The following COL24A1 variants were observed in gnomAD, a reference collection of about 807,000 sequenced individuals.
The protein encoded by COL24A1 is collagen type XXIV alpha 1 chain.
COL24A1 carries 224 observed loss-of-function variants against 253.9 expected under a neutral mutation model. The observed-to-expected ratio is 0.88, with a 90% confidence interval of 0.79 to 0.99. The LOEUF (loss-of-function observed/expected upper bound fraction) is 0.99, where lower values mean the gene tolerates loss of function less well. COL24A1 is among the 50% of genes least tolerant of loss of function. The pLI is 0.00. For synonymous variants in COL24A1, 685 were observed against 673.7 expected (o/e 1.02, Z -0.26); for missense variants, 2,131 against 2,068.5 (o/e 1.03, Z -0.59).
At chr1:86,134,167 T>A (rs1296902401) in intron 2 of COL24A1, among the ~76,000 whole-genome samples, 1 of 151,208 alleles carries the variant, frequency 6.6e-6, no homozygotes, top group Non-Finnish European at 1.5e-5. Flanking sequence ...CTGATGGTAG[T>A]TTATATTTCT....
Position 86,125,357 on chromosome 1 carries a change from G to T in COL24A1, c.979C>A (p.Leu327Ile). 6.2e-7 allele frequency: 1 copy of T among 1,613,634 alleles called. No individual in the cohort carries two copies. Among genetic ancestry groups the T allele is most frequent in the Non-Finnish European group, 8.5e-7 (1 of 1,179,798 alleles). The stretch of plus-strand genomic sequence containing the variant: ...TTGGCCTGAATCCCATGGTTTGTGA[G>T]ATCCACAGCAGAGACATTTCCTGAC... ...LQSGNVSAVD[L>I]TNHGIQAKEM... is the part of the protein sequence containing the mutation. Residue 327 changes from leucine (L) to isoleucine (I), a missense_variant, in exon 3 of 60, where the codon CTC becomes ATC. Transcript: ENST00000370571.
intron 20 of COL24A1, among the ~76,000 whole-genome samples, chr1:85,981,673 G>A (rs772722859): frequency 6.6e-6 from 1 of 152,124 alleles, no homozygotes; most frequent in Non-Finnish European, 1.5e-5. Context: ...AAAAGCTTCT[G>A]CACAGTTAGA....
chr1:85,975,682 T>C (rs1476565378), intron 20 of COL24A1, among the ~76,000 whole-genome samples: 2 of 152,166 alleles, frequency 1.3e-5, no homozygotes, highest in Non-Finnish European at 2.9e-5. Flanking sequence ...CATGGACTTT[T>C]GCTCCAAGAA....
rs140810303 is a variant in COL24A1 at position 85,810,973 on chromosome 1, A to G, written c.3951+5815T>C. 5.8e-3 allele frequency among the ~76,000 whole-genome samples: 886 copies of G among 152,266 alleles called. 4 individuals are homozygous for G. The highest frequency in any genetic ancestry group is 0.02 in the African/African-American group (839 of 41,566). The stretch of plus-strand genomic sequence containing the variant: ...ATTATTTCTTGTCTTCCTGGAAGAC[A>G]AGAACCCTCCCTGGCTGAGCCACAG... On this transcript the variant is annotated intron_variant, in intron 47 of 59. Coordinates refer to ENST00000370571, the MANE Select transcript of COL24A1 (RefSeq NM_152890.7).
chr1:85,902,572 A>T (rs946745116), intron 28 of COL24A1, among the ~76,000 whole-genome samples: 5 of 152,170 alleles, frequency 3.3e-5, no homozygotes, highest in Non-Finnish European at 5.9e-5. Context: ...TATAATTTGT[A>T]ACTTGTCTCT....
intron 52 of COL24A1, among the ~76,000 whole-genome samples, chr1:85,776,027 G>T (rs1668507060): frequency 6.6e-6 from 1 of 152,126 alleles, no homozygotes; most frequent in Non-Finnish European, 1.5e-5. Flanking sequence ...ATTTAAAAAG[G>T]AAATTCTAAA....
At chr1:85,792,365 T>C (rs897487141) in intron 47 of COL24A1, among the ~76,000 whole-genome samples, 10 of 151,634 alleles carry the variant, frequency 6.6e-5, no homozygotes, top group African/African-American at 2.4e-4. Flanking sequence ...AATATATGGT[T>C]CTTGTTTTTA....
chr1:86,134,991 T>C (rs1649980226), intron 2 of COL24A1, among the ~76,000 whole-genome samples: 2 of 151,502 alleles, frequency 1.3e-5, no homozygotes. Context: ...TCTAAGTCTC[T>C]TTGTAGGTCT....
At chr1:85,942,411 T>A (rs1045012787) in intron 24 of COL24A1, among the ~76,000 whole-genome samples, 1 of 152,238 alleles carries the variant, frequency 6.6e-6, no homozygotes, top group South Asian at 2.1e-4. Flanking sequence ...CTATCCTATA[T>A]GGTTTTTGCC....
chr1:86,011,378 A>G (rs80160804), intron 19 of COL24A1, among the ~76,000 whole-genome samples: 12,767 of 152,204 alleles, frequency 0.084, 660 homozygotes, highest in Middle Eastern at 0.19. Context: ...CAATTGCAAG[A>G]TATTTTATGA....
At chr1:85,911,665 T>C (rs948764641) in intron 24 of COL24A1, among the ~76,000 whole-genome samples, 20 of 152,118 alleles carry the variant, frequency 1.3e-4, no homozygotes, top group Admixed American at 2.6e-4. Flanking sequence ...GGCACTACGC[T>C]GGGAGGCAAT....
At chr1:86,109,023 G>A (rs1705286637) in intron 5 of COL24A1, among the ~76,000 whole-genome samples, 1 of 152,158 alleles carries the variant, frequency 6.6e-6, no homozygotes, top group Non-Finnish European at 1.5e-5. Flanking sequence ...TGGAAATTCT[G>A]TCTCCCTGGG....
intron 37 of COL24A1, among the ~76,000 whole-genome samples, chr1:85,866,009 T>C (rs749744487): frequency 7.9e-5 from 12 of 152,208 alleles, no homozygotes; most frequent in Non-Finnish European, 1.8e-4. Flanking sequence ...ATGCCTGTAA[T>C]CCCAGCACTT....
At chr1:85,987,708 T>C (rs1213531167) in intron 19 of COL24A1, 54 bp from the exon 20 acceptor site, 3 of 1,481,894 alleles carry the variant, frequency 2.0e-6, no homozygotes, top group African/African-American at 1.4e-5. Context: ...TTTAAATCCA[T>C]TTAGCATATA....
At chr1:85,908,255 G>A (rs923178664) in intron 27 of COL24A1, among the ~76,000 whole-genome samples, 2 of 151,636 alleles carry the variant, frequency 1.3e-5, no homozygotes, top group Non-Finnish European at 3.0e-5. Flanking sequence ...ACAAATTTCT[G>A]AGAAAAATAT....
chr1:85,777,089 A>C (rs992966226), intron 52 of COL24A1, among the ~76,000 whole-genome samples: 1 of 151,914 alleles, frequency 6.6e-6, no homozygotes, highest in Admixed American at 6.6e-5. Context: ...AGCTGGGACT[A>C]CAGGAGCATA....
intron 12 of COL24A1, among the ~76,000 whole-genome samples, chr1:86,040,677 T>C (rs1699412132): frequency 6.6e-6 from 1 of 151,888 alleles, no homozygotes; most frequent in South Asian, 2.1e-4. Context: ...AGTCCTGAAA[T>C]CTTCCATACA....
At position 85,968,780 on chromosome 1, in the gene COL24A1, G is replaced by A. The variant is rs1691820624; in HGVS notation, c.2463+1447C>T. The stretch of plus-strand genomic sequence containing the variant: ...ATAGAGTTATACATATTTACATTAT[G>A]GAAAGAATCTCACTGGAATCTGGTA... On this transcript the variant is annotated intron_variant, in intron 22 of 59. Transcript: ENST00000370571. Among the ~76,000 whole-genome samples the A allele has an allele frequency of 2.0e-5, 3 of 152,136 alleles. No individual in the cohort carries two copies. In the South Asian group the frequency reaches 6.2e-4, roughly 32 times the overall value.
At chr1:85,998,083 C>A (rs1027048377) in intron 19 of COL24A1, among the ~76,000 whole-genome samples, 1 of 152,148 alleles carries the variant, frequency 6.6e-6, no homozygotes. Context: ...ATTTTTTTAA[C>A]TTAAAACTGT....
Sources: allele counts gnomAD v4.1 joint callset (sites outside exome capture counted in the v4.1 genomes callset), GRCh38; gene constraint gnomAD v4.1.1; transcripts MANE v1.5; gene names NCBI Gene and HGNC (gene_info 2026-07-23, HGNC 2026-07-21).